MUC4: variants seen among roughly 807,000 people sequenced by gnomAD.
The protein encoded by MUC4 is mucin 4, cell surface associated.
A neutral mutation model predicts 257.9 loss-of-function variants in MUC4; 202 were observed. That is an observed-to-expected ratio of 0.78 (90% CI 0.70 to 0.88). The LOEUF (loss-of-function observed/expected upper bound fraction) is 0.88. Ranked by LOEUF, MUC4 falls within the 40% of genes least tolerant of loss-of-function variation. The probability of loss-of-function intolerance (pLI) is 0.00; values close to 1 mark genes in which losing one functional copy is unlikely to be tolerated. For synonymous variants in MUC4, 2,351 were observed against 2,757.1 expected, an observed-to-expected ratio of 0.85 and a Z score of 4.62; for missense variants, 5,976 against 6,513.7, an observed-to-expected ratio of 0.92 and a Z score of 2.84.
chr3:195,751,050 T>C lies in MUC4; in HGVS notation c.15710A>G (p.Gln5237Arg). The C allele has an allele frequency of 6.2e-7, 1 of 1,611,234 alleles. No individual in the cohort carries two copies. Among genetic ancestry groups the C allele is most frequent in the East Asian group, 2.2e-5 (1 of 44,756 alleles). Reference sequence around the variant, plus strand: ...AATGACCGGGCCCCGAGGGCGGTACTGGAACTCCGAGATGACCATCCAGTG... The same window carrying C: ...AATGACCGGGCCCCGAGGGCGGTACCGGAACTCCGAGATGACCATCCAGTG... ...IQHWMVISEF[Q>R]YRPRGPVIDF... The change falls in exon 23 of 25, where the codon CAG becomes CGG. Residue 5237 changes from glutamine (Q) to arginine (R), a missense_variant. Physicochemically the swap from Gln to Arg is conservative, Grantham distance 43. Coordinates refer to ENST00000463781, the MANE Select transcript of MUC4 (RefSeq NM_018406.7).
intron 21 of MUC4, chr3:195,751,502 C>T (rs1454268860): frequency 3.4e-6 from 2 of 594,756 alleles, no homozygotes; most frequent in East Asian, 5.6e-5. Context: ...CCATTCTGTC[C>T]CCCCCTCAGC....
intron 7 of MUC4, among the ~76,000 whole-genome samples, chr3:195,767,913 T>TGCCACCCCCAACACTACCACCATCAC (rs1560266554): frequency 9.1e-6 from 1 of 110,280 alleles, no homozygotes; most frequent in Non-Finnish European, 1.9e-5. Flanking sequence ...ACCATCACCA[T>TGCCACCCCCAACACTACCACCATCAC]CGCCACTGCC....
Position 195,783,871 on chromosome 3 carries a change from G to A in MUC4, c.7709C>T (p.Ser2570Phe), listed in dbSNP as rs762009200. The A allele has an allele frequency of 1.1e-5, 17 of 1,507,450 alleles. 1 individual carries two copies. Among genetic ancestry groups the A allele is most frequent in the African/African-American group, 6.2e-5 (4 of 64,542 alleles). The allele number at this position is 1,507,450 out of a possible 1,614,324, so 93.4% of individuals were successfully genotyped here. The change falls in exon 2 of 25, where the codon TCC (serine) becomes TTC (phenylalanine). Residue 2570 changes from serine to phenylalanine, a missense_variant. Transcript: ENST00000463781. ...AGGAAGAGGGGTGGCGTGACCTGTG[G>A]ATGCTGCGGAAGTGTCGGTGACAGG... Reference protein sequence around the residue: ...SLPVTDTSAASTGHATPLPVT... With the variant: ...SLPVTDTSAAFTGHATPLPVT...
At chr3:195,806,775 A>C (rs775912655) in intron 1 of MUC4, among the ~76,000 whole-genome samples, 7 of 152,162 alleles carry the variant, frequency 4.6e-5, no homozygotes, top group Non-Finnish European at 1.0e-4. Flanking sequence ...GGGTTCTATG[A>C]TCTTAAACAA....
intron 1 of MUC4, among the ~76,000 whole-genome samples, chr3:195,794,460 T>C (rs1317164673): frequency 6.6e-6 from 1 of 152,084 alleles, no homozygotes; most frequent in African/African-American, 2.4e-5. Flanking sequence ...TCACCCAGGC[T>C]GAAGTTCAGC....
intron 8 of MUC4, 71 bp from the exon 9 acceptor site, chr3:195,765,520 T>C (rs903482021): frequency 2.5e-5 from 37 of 1,481,406 alleles, no homozygotes; most frequent in African/African-American, 1.3e-4. Context: ...AGCTTTAGGG[T>C]CAACCAAAAC....
intron 6 of MUC4, 58 bp from the exon 7 acceptor site, chr3:195,769,210 C>T: frequency 1.3e-6 from 2 of 1,596,420 alleles, no homozygotes; most frequent in Non-Finnish European, 1.7e-6. Flanking sequence ...GGTCTCCTCT[C>T]TTATGTCCCC....
chr3:195,802,810 A>G (rs1473104857), intron 1 of MUC4, among the ~76,000 whole-genome samples: 1 of 152,182 alleles, frequency 6.6e-6, no homozygotes, highest in Non-Finnish European at 1.5e-5. Context: ...GACATTGTTC[A>G]GTTTTGTAGC....
In MUC4 at chr3:195,779,162, C is replaced by T. The variant is rs1245955111; in HGVS notation, c.12418G>A (p.Gly4140Ser). 5.7e-6 allele frequency: 8 copies of T among 1,401,922 alleles called. No individual in the cohort carries two copies. Among genetic ancestry groups the T allele is most frequent in the African/African-American group, 2.1e-5 (1 of 48,138 alleles). The allele number at this position is 1,401,922 out of a possible 1,614,324, so 86.8% of individuals were successfully genotyped here. The change falls in exon 2 of 25, where the codon GGT (glycine) becomes AGT (serine). Residue 4140 changes from glycine (G) to serine (S), a missense_variant. Coordinates refer to ENST00000463781, the MANE Select transcript of MUC4 (RefSeq NM_018406.7). ...GTGACAGGAAGAGGCGTGGTGTCAC[C>T]TGTGGATACTGAGGAAAGGCTGGTG... is the stretch of plus-strand genomic sequence containing the variant. ...PVTSLSSVST[G>S]DTTPLPVTIP... is the part of the protein sequence containing the mutation.
chr3:195,762,137 G>A lies in MUC4; in HGVS notation c.14462C>T (p.Ala4821Val). 1 of 1,608,430 alleles carries A rather than the reference G, an allele frequency of 6.2e-7. No homozygotes were observed. The highest frequency in any genetic ancestry group is 1.1e-5 in the South Asian group (1 of 90,228). ...GTACTCGGGCGGGAGGCTGGCGGAG[G>A]CGTGGAGGATGTTGGAGAGCGCGAT... is the stretch of plus-strand genomic sequence containing the variant. ...SVIALSNILH[A>V]SASLPPEYQN... The change falls in exon 14 of 25, where the codon GCC becomes GTC. Residue 4821 changes from alanine (A) to valine (V), a missense_variant. Physicochemically the swap from Ala to Val is moderately conservative, Grantham distance 64. Coordinates refer to ENST00000463781, the MANE Select transcript of MUC4 (RefSeq NM_018406.7).
At position 195,782,193 on chromosome 3, in the gene MUC4, T is replaced by A. The variant is rs559337249; in HGVS notation, c.9387A>T (p.Ala3129=). Residue 3129 remains alanine, a synonymous_variant, in exon 2 of 25, where the codon GCA becomes GCT. Transcript: ENST00000463781. ...GAAGAGCGGTGGCCTGACCTGTGGA[T>A]GCTGAGGAAGTGTCGGTGACAGGAA... The part of the protein sequence containing the change: ...TPLPVTDTSS[A]STGQATALPV... 134 of 1,385,074 alleles carry A rather than the reference T, an allele frequency of 9.7e-5. No homozygotes were observed. The African/African-American group carries it at 1.2e-3, about 12-fold the overall frequency. The allele number at this position is 1,385,074 out of a possible 1,614,324, so 85.8% of individuals were successfully genotyped here.
In MUC4 at chr3:195,768,959, C is replaced by T. The variant is rs111910295; in HGVS notation, c.13529+63G>A. 118 of 1,559,522 alleles carry T rather than the reference C, an allele frequency of 7.6e-5. 2 individuals carry two copies. In the African/African-American group the frequency reaches 1.1e-3, roughly 15 times the overall value. On this transcript the variant is annotated intron_variant, in intron 7 of 24. Transcript: ENST00000463781. ...CCCCAGGATGGGAGTGTGTGTGCAGCGAAAGCCGACTCTACACCCCTCCCT... is the reference window on the plus strand; with the variant it reads ...CCCCAGGATGGGAGTGTGTGTGCAGTGAAAGCCGACTCTACACCCCTCCCT...
chr3:195,802,766 T>C (rs1202457880), intron 1 of MUC4, among the ~76,000 whole-genome samples: 1 of 152,190 alleles, frequency 6.6e-6, no homozygotes, highest in Non-Finnish European at 1.5e-5. Context: ...TAATAAGAAA[T>C]GGCCACGCCA....
In MUC4 at chr3:195,753,164, T is replaced by TG; in HGVS notation, c.15394dup (p.His5132ProfsTer22). The TG allele has an allele frequency of 6.2e-7, 1 of 1,613,756 alleles. No individual in the cohort carries two copies. The highest frequency in any genetic ancestry group is 8.5e-7 in the Non-Finnish European group (1 of 1,179,860). ...GCCCAGAGTCTGGGAGATGTAGCAG[T>TG]GGCCTTGATTGTAGCAGTAATTCAC... On this transcript the variant is annotated frameshift_variant, in exon 20 of 25. Coordinates refer to ENST00000463781, the MANE Select transcript of MUC4 (RefSeq NM_018406.7). LOFTEE classifies it high-confidence loss of function.
Position 195,789,258 on chromosome 3 carries a change from G to A in MUC4, c.2322C>T (p.His774=). 5.0e-6 allele frequency: 8 copies of A among 1,613,932 alleles called. No homozygotes were observed. Among genetic ancestry groups the A allele is most frequent in the Non-Finnish European group, 6.8e-6 (8 of 1,179,876 alleles). The change falls in exon 2 of 25, where the codon CAC becomes CAT. Residue 774 remains histidine, a synonymous_variant. Coordinates refer to ENST00000463781, the MANE Select transcript of MUC4 (RefSeq NM_018406.7). ...PDTAAAMTHT[H]QAESTEASGQ... Reference sequence around the variant, plus strand: ...CAGAGGCCTCTGTGCTCTCAGCCTGGTGGGTATGGGTCATGGCTGCTGCTG... The same window carrying A: ...CAGAGGCCTCTGTGCTCTCAGCCTGATGGGTATGGGTCATGGCTGCTGCTG...
intron 1 of MUC4, among the ~76,000 whole-genome samples, chr3:195,806,197 TTC>T (rs1014011807): frequency 2.0e-5 from 3 of 152,206 alleles, no homozygotes; most frequent in African/African-American, 7.2e-5. Flanking sequence ...AACACCTGCC[TTC>T]TCTTTCAAGT....
At chr3:195,811,408 AG>A in intron 1 of MUC4, among the ~76,000 whole-genome samples, 1 of 152,112 alleles carries the variant, frequency 6.6e-6, no homozygotes, top group East Asian at 1.9e-4. Flanking sequence ...TCCTGACCTC[AG>A]GTGATCTCCT....
Position 195,770,386 on chromosome 3 carries a change from C to T in MUC4, c.13243-15G>A, listed in dbSNP as rs770808448. The T allele has an allele frequency of 1.9e-6, 3 of 1,612,880 alleles. No individual in the cohort carries two copies. The African/African-American group carries it at 4.0e-5, about 22-fold the overall frequency. On this transcript the variant is annotated splice_polypyrimidine_tract_variant and intron_variant, in intron 5 of 24. Coordinates refer to ENST00000463781, the MANE Select transcript of MUC4 (RefSeq NM_018406.7). ...GTCTCGTATTCCTAGGAAAGGAGGG[C>T]AGATGAAAACAAGCCAACGAGGGTC...
chr3:195,754,225 G>A lies in MUC4; in HGVS notation c.15316C>T (p.Arg5106Trp), dbSNP rs1338980774. 4.3e-6 allele frequency: 7 copies of A among 1,613,384 alleles called. No homozygotes were observed. Among genetic ancestry groups the A allele is most frequent in the East Asian group, 2.2e-5 (1 of 44,830 alleles). The part of the protein sequence containing the change: ...ACPPNLTGDG[R>W]HCAALGSSFL... ...GTTCCCGGCTCACCCGCACAGTGCC[G>A]CCCATCCCCAGTCAGGTTTGGAGGG... Residue 5106 changes from arginine (R) to tryptophan (W), a missense_variant, in exon 19 of 25, where the codon CGG becomes TGG. Coordinates refer to ENST00000463781, the MANE Select transcript of MUC4 (RefSeq NM_018406.7).
Sources: gnomAD v4.1 joint callset for allele counts (sites outside exome capture counted in the v4.1 genomes callset) on GRCh38, gnomAD v4.1.1 for gene constraint, MANE v1.5 for transcripts, NCBI Gene and HGNC (gene_info 2026-07-23, HGNC 2026-07-21) for gene names.